The following LRP8 variants were observed in gnomAD, a reference collection of about 807,000 sequenced individuals.
The protein encoded by LRP8 is low-density lipoprotein receptor-related protein 8.
A neutral mutation model predicts 111.6 loss-of-function variants in LRP8; 46 were observed. The ratio of observed to expected loss-of-function variants is 0.41; its 90% CI spans 0.33 to 0.53. The LOEUF is 0.53. Among genes scored for constraint, LRP8 ranks in the 20% least tolerant of loss-of-function variants. The pLI, the probability that LRP8 is intolerant of heterozygous loss-of-function variation, is 0.20. For synonymous variants in LRP8, 464 were observed against 511.2 expected (o/e 0.91, Z 1.24); for missense variants, 959 against 1,297.4 (o/e 0.74, Z 4.01).
At position 53,257,228 on chromosome 1, in the gene LRP8, T is replaced by A; in HGVS notation, c.2434+12A>T. ...CCCATGTCATGAAAGAATGCAGAAC[T>A]CATTTCCTTACAGTGCTGGGAGTGG... is the stretch of plus-strand genomic sequence containing the variant. On this transcript the variant is annotated intron_variant, in intron 15 of 18. Transcript: ENST00000306052. The A allele has an allele frequency of 2.0e-5, 33 of 1,613,476 alleles. No individual in the cohort carries two copies. Among genetic ancestry groups the A allele is most frequent in the Non-Finnish European group, 2.7e-5 (32 of 1,179,706 alleles).
Position 53,271,291 on chromosome 1 carries a change from G to T in LRP8, c.1062C>A (p.Leu354=). 6.2e-7 allele frequency: 1 copy of T among 1,613,968 alleles called. No individual in the cohort carries two copies. The highest frequency in any genetic ancestry group is 8.5e-7 in the Non-Finnish European group (1 of 1,180,012). The change falls in exon 7 of 19, where the codon CTC becomes CTA. Residue 354 remains leucine (L), a synonymous_variant. Transcript: ENST00000306052. ...NGGCSHICTD[L]KIGFECTCPA... Reference sequence around the variant, plus strand: ...GGCACGTGCATTCAAAGCCAATCTTGAGGTCAGTGCAGATGTGTGAGCAGC... The same window carrying T: ...GGCACGTGCATTCAAAGCCAATCTTTAGGTCAGTGCAGATGTGTGAGCAGC...
At chr1:53,310,349 C>A (rs907977788) in intron 2 of LRP8, among the ~76,000 whole-genome samples, 1 of 152,136 alleles carries the variant, frequency 6.6e-6, no homozygotes, top group Non-Finnish European at 1.5e-5. Context: ...CCACCCCAGC[C>A]CACCTCCCAC....
At chr1:53,298,713 C>T (rs1650230077) in intron 2 of LRP8, among the ~76,000 whole-genome samples, 1 of 152,202 alleles carries the variant, frequency 6.6e-6, no homozygotes, top group Non-Finnish European at 1.5e-5. Context: ...ACGTGGCCTC[C>T]TCTGACCAGG....
rs112724146 is a variant in LRP8, at chr1:53,248,306, C to G, written c.2853+1074G>C. Among the ~76,000 whole-genome samples, 243 of 152,040 alleles carry G rather than the reference C, an allele frequency of 1.6e-3. 1 individual carries two copies. Among genetic ancestry groups the G allele is most frequent in the African/African-American group, 5.5e-3 (228 of 41,438 alleles). On this transcript the variant is annotated intron_variant, in intron 18 of 18. Transcript: ENST00000306052. ...CCTCCACCAGTGTAGATATTTAAGA[C>G]TATCTTATTCTAGTCTAGCTACCCT...
chr1:53,271,031 C>T lies in LRP8; in HGVS notation c.1249G>A (p.Ala417Thr), dbSNP rs1284935549. 1 of 1,614,100 alleles carries T rather than the reference C, an allele frequency of 6.2e-7. No individual in the cohort carries two copies. The highest frequency in any genetic ancestry group is 1.7e-5 in the Admixed American group (1 of 60,014). ...TCTGCCCTTGGGGTGTTCATACCAGCAGCCTTGCAGTTCTTGGTCAGTAGG... is the reference window on the plus strand; with the variant it reads ...TCTGCCCTTGGGGTGTTCATACCAGTAGCCTTGCAGTTCTTGGTCAGTAGG... ...MDLLTKNCKAAAGKSPSLIFT... is the reference protein window; with the variant it reads ...MDLLTKNCKATAGKSPSLIFT... The change falls in exon 8 of 19, where the codon GCT becomes ACT. Residue 417 changes from alanine to threonine, a missense_variant. By Grantham distance (58) the Ala-to-Thr change is moderately conservative. Transcript: ENST00000306052.
intron 3 of LRP8, among the ~76,000 whole-genome samples, chr1:53,286,045 CTGTT>C (rs1380784919): frequency 7.9e-5 from 12 of 152,228 alleles, no homozygotes; most frequent in Non-Finnish European, 1.2e-4. Flanking sequence ...AGGGCAATGT[CTGTT>C]AAAGAATGAA....
Position 53,263,080 on chromosome 1 carries a change from G to T in LRP8, c.1656-516C>A, listed in dbSNP as rs866120679. Among the ~76,000 whole-genome samples the T allele has an allele frequency of 1.8e-4, 27 of 152,220 alleles. 1 individual carries two copies. The highest frequency in any genetic ancestry group is 3.1e-4 in the Non-Finnish European group (21 of 68,040). Reference sequence around the variant, plus strand: ...ACCCTCCTCTGATTATCTTGAGTATGCAGTGGGTTTCCTCCTGGGACCCTG... The same window carrying T: ...ACCCTCCTCTGATTATCTTGAGTATTCAGTGGGTTTCCTCCTGGGACCCTG... On this transcript the variant is annotated intron_variant, in intron 10 of 18. Transcript: ENST00000306052.
chr1:53,305,914 G>C (rs1205664059), intron 2 of LRP8: 1 of 152,316 alleles, frequency 6.6e-6, no homozygotes, highest in Non-Finnish European at 1.5e-5. Flanking sequence ...CGGTGAGCCT[G>C]CCCAAGCATG....
At chr1:53,286,649 A>G (rs919740142) in intron 3 of LRP8, among the ~76,000 whole-genome samples, 2 of 152,236 alleles carry the variant, frequency 1.3e-5, no homozygotes, top group African/African-American at 4.8e-5. Context: ...CAGAACACAG[A>G]ACCAGAGGGA....
At chr1:53,300,686 A>C (rs1369154201) in intron 2 of LRP8, among the ~76,000 whole-genome samples, 1 of 152,196 alleles carries the variant, frequency 6.6e-6, no homozygotes, top group Non-Finnish European at 1.5e-5. Flanking sequence ...CACTGTCATA[A>C]AGCAGGGCTC....
rs1655394167 is a variant in LRP8 at position 53,327,882 on chromosome 1, G to A, written c.31C>T (p.Leu11Phe). ...AGCAGCAGCAGCAGCAGCGCCAGAAGCCGGAGAGGGCCCGGCTCGGGGAGG... is the reference window on the plus strand; with the variant it reads ...AGCAGCAGCAGCAGCAGCGCCAGAAACCGGAGAGGGCCCGGCTCGGGGAGG... MGLPEPGPLR[L>F]LALLLLLLLL... Residue 11 changes from leucine (L) to phenylalanine (F), a missense_variant, in exon 1 of 19, where the codon CTT (leucine) becomes TTT (phenylalanine). Coordinates refer to ENST00000306052, the MANE Select transcript of LRP8 (RefSeq NM_004631.5). 1.3e-6 allele frequency: 2 copies of A among 1,497,384 alleles called. No homozygotes were observed. The highest frequency in any genetic ancestry group is 4.1e-5 in the Admixed American group (2 of 48,472). The allele number at this position is 1,497,384 out of a possible 1,614,324, so 92.8% of individuals were successfully genotyped here.
intron 15 of LRP8, among the ~76,000 whole-genome samples, chr1:53,255,921 T>C (rs948300198): frequency 6.6e-6 from 1 of 152,258 alleles, no homozygotes; most frequent in African/African-American, 2.4e-5. Context: ...TTTGCCTAGT[T>C]CTAAGAGGGT....
intron 2 of LRP8, among the ~76,000 whole-genome samples, chr1:53,320,193 G>GCAATCC (rs1654321925): frequency 6.6e-6 from 1 of 152,254 alleles, no homozygotes; most frequent in Non-Finnish European, 1.5e-5. Context: ...CAATCCAGAA[G>GCAATCC]TGGGCAAGCA....
In LRP8 at chr1:53,297,822, AGAAACAAGTGGTCCAAACAT is replaced by A. The variant is rs370968255; in HGVS notation, c.245-8153_245-8134del. 5.1e-3 allele frequency among the ~76,000 whole-genome samples: 778 copies of A among 152,314 alleles called. 6 individuals are homozygous for A. Among genetic ancestry groups the A allele is most frequent in the African/African-American group, 0.017 (715 of 41,554 alleles). On this transcript the variant is annotated intron_variant, in intron 2 of 18. Transcript: ENST00000306052. ...AGACCATAAATCTATTTATTTCCCA[AGAAACAAGTGGTCCAAACAT>A]GAAACAAGTGGTCCACCTTTGCCCC...
intron 2 of LRP8, among the ~76,000 whole-genome samples, chr1:53,296,554 C>A (rs4926968): frequency 0.18 from 27,671 of 152,232 alleles, 3,407 homozygotes; most frequent in African/African-American, 0.32. Flanking sequence ...CCAAGACGAC[C>A]GCTTCCAGCA....
At chr1:53,325,522 T>C (rs1655021341) in intron 2 of LRP8, among the ~76,000 whole-genome samples, 1 of 152,170 alleles carries the variant, frequency 6.6e-6, no homozygotes, top group African/African-American at 2.4e-5. Flanking sequence ...TGAACCCAAG[T>C]GGTCAGGTGA....
At chr1:53,255,440 G>T (rs1410776943) in intron 15 of LRP8, among the ~76,000 whole-genome samples, 2 of 152,108 alleles carry the variant, frequency 1.3e-5, no homozygotes, top group Non-Finnish European at 2.9e-5. Context: ...GGCAGAGCTG[G>T]GACTTGAACC....
Position 53,257,056 on chromosome 1 carries a change from G to A in LRP8, c.2434+184C>T, listed in dbSNP as rs1019276156. 2.0e-5 allele frequency among the ~76,000 whole-genome samples: 3 copies of A among 152,162 alleles called. No homozygotes were observed. The East Asian group carries it at 5.8e-4, about 29-fold the overall frequency. On this transcript the variant is annotated intron_variant, in intron 15 of 18. Transcript: ENST00000306052. ...CAGCTTCCTACAAGACCCTCTGTAA[G>A]GTAGGGGCACCTATGAGTCCTAAAT...
intron 8 of LRP8, chr1:53,268,611 C>T (rs1646660717): frequency 6.6e-6 from 1 of 152,012 alleles, no homozygotes; most frequent in Non-Finnish European, 1.5e-5. Flanking sequence ...ATATGAACTC[C>T]AGACTCATAT....
Sources: gnomAD v4.1 joint callset for allele counts (sites outside exome capture counted in the v4.1 genomes callset) on GRCh38, gnomAD v4.1.1 for gene constraint, MANE v1.5 for transcripts, NCBI Gene and HGNC (gene_info 2026-07-23, HGNC 2026-07-21) for gene names.